UBAP2: variants seen among roughly 807,000 people sequenced by gnomAD.
UBAP2 encodes ubiquitin-associated protein 2.
UBAP2 carries 75 observed loss-of-function variants against 139.6 expected under a neutral mutation model. The observed-to-expected ratio is 0.54, with a 90% CI of 0.45 to 0.65. UBAP2 has a LOEUF of 0.65. UBAP2 is among the 30% of genes least tolerant of loss of function. The probability of loss-of-function intolerance (pLI) is 0.00; values close to 1 mark genes in which losing one functional copy is unlikely to be tolerated. For missense variants in UBAP2, 1,368 were observed against 1,369.6 expected (o/e 1.00, Z 0.02); for synonymous variants, 526 against 526.2 (o/e 1.00, Z 0.01).
At chr9:34,046,300 TA>T (rs35216565) in intron 1 of UBAP2, among the ~76,000 whole-genome samples, 18,163 of 137,076 alleles carry the variant, frequency 0.13, 1,404 homozygotes, top group African/African-American at 0.22. Flanking sequence ...AATCATCATT[TA>T]AAAAAAAAAA....
At chr9:33,949,206 A>G (rs778188718) in intron 12 of UBAP2, among the ~76,000 whole-genome samples, 7 of 151,916 alleles carry the variant, frequency 4.6e-5, no homozygotes, top group Non-Finnish European at 1.0e-4. Context: ...AAAATAAAAT[A>G]ATAAAAAGTG....
rs1825845323 is a variant in UBAP2, at chr9:33,948,639, C to A, written c.1057-52G>T. On this transcript the variant is annotated intron_variant, in intron 12 of 28. Coordinates refer to ENST00000379238, the MANE Select transcript of UBAP2 (RefSeq NM_001370062.2). ...TCCTCAACAATACAGAATTTCTGCC[C>A]AAGGCTTTAAAACATATCAAGTATT... 5 of 1,527,542 alleles carry A rather than the reference C, an allele frequency of 3.3e-6. No homozygotes were observed. In the East Asian group the frequency reaches 9.0e-5, roughly 28 times the overall value. The allele number at this position is 1,527,542 out of a possible 1,614,324, so 94.6% of individuals were successfully genotyped here.
intron 1 of UBAP2, among the ~76,000 whole-genome samples, chr9:34,026,061 C>T (rs1289677952): frequency 2.0e-5 from 3 of 152,120 alleles, no homozygotes; most frequent in South Asian, 2.1e-4. Context: ...AAAACACGGT[C>T]GGGTAAAAAC....
chr9:33,951,115 T>C (rs961559936), intron 12 of UBAP2, among the ~76,000 whole-genome samples: 6 of 151,946 alleles, frequency 3.9e-5, no homozygotes, highest in Admixed American at 1.3e-4. Context: ...CAAGTGATCC[T>C]CCCATGCCAG....
intron 2 of UBAP2, among the ~76,000 whole-genome samples, chr9:34,009,456 C>T (rs576315601): frequency 1.3e-5 from 2 of 152,086 alleles, no homozygotes; most frequent in African/African-American, 2.4e-5. Flanking sequence ...GACAGGGTCT[C>T]GCTACTTGGC....
chr9:34,020,603 G>A (rs999664262), intron 1 of UBAP2, among the ~76,000 whole-genome samples: 9 of 151,838 alleles, frequency 5.9e-5, no homozygotes, highest in African/African-American at 1.9e-4. Flanking sequence ...TGAGATTACA[G>A]GCGTGTGCCA....
Position 33,989,493 on chromosome 9 carries a change from G to A in UBAP2, c.289-367C>T, listed in dbSNP as rs575728561. On this transcript the variant is annotated intron_variant, in intron 4 of 28. Transcript: ENST00000379238. Reference sequence around the variant, plus strand: ...TGGGATTACAGGCGTGAGCCACCGCGCCCGGCACATGCACGTATCTTTCAA... The same window carrying A: ...TGGGATTACAGGCGTGAGCCACCGCACCCGGCACATGCACGTATCTTTCAA... 1.1e-3 allele frequency among the ~76,000 whole-genome samples: 166 copies of A among 152,136 alleles called. 2 individuals are homozygous for A. The South Asian group carries it at 0.033, about 30-fold the overall frequency.
intron 1 of UBAP2, among the ~76,000 whole-genome samples, chr9:34,042,662 G>A (rs1480810996): frequency 2.0e-5 from 3 of 152,070 alleles, no homozygotes; most frequent in African/African-American, 7.2e-5. Flanking sequence ...AACCTATAAT[G>A]TAGGGTAATG....
Position 33,943,562 on chromosome 9 carries a change from C to T in UBAP2, c.1573G>A (p.Gly525Ser), listed in dbSNP as rs776093485. 1 of 1,614,068 alleles carries T rather than the reference C, an allele frequency of 6.2e-7. No homozygotes were observed. The highest frequency in any genetic ancestry group is 1.1e-5 in the South Asian group (1 of 91,080). ...TTTAATCCTGTGACATCTGCTGAAC[C>T]AGGCATTTCCACTGCAGAAGCTGGG... The part of the protein sequence containing the change: ...KIPASAVEMP[G>S]SADVTGLNVQ... The change falls in exon 15 of 29, where the codon GGT (glycine) becomes AGT (serine). Residue 525 changes from glycine to serine, a missense_variant. By Grantham distance (56) the Gly-to-Ser change is moderately conservative. Transcript: ENST00000379238.
intron 8 of UBAP2, 91 bp from the exon 9 acceptor site, chr9:33,963,882 T>C (rs1458356050): frequency 5.5e-6 from 5 of 904,762 alleles, no homozygotes; most frequent in Non-Finnish European, 9.2e-6. Context: ...AAGCTATGTA[T>C]ATGCTGCGTT....
chr9:34,030,272 C>T (rs1825778721), intron 1 of UBAP2, among the ~76,000 whole-genome samples: 2 of 151,864 alleles, frequency 1.3e-5, no homozygotes, highest in South Asian at 4.1e-4. Flanking sequence ...GGTGATACCC[C>T]ATCTCTACTA....
At chr9:34,032,003 G>C (rs1029620152) in intron 1 of UBAP2, among the ~76,000 whole-genome samples, 1 of 152,006 alleles carries the variant, frequency 6.6e-6, no homozygotes, top group Non-Finnish European at 1.5e-5. Context: ...AAATTAGCCA[G>C]GTATGGTGGC....
chr9:33,966,616 G>T (rs945434785), intron 8 of UBAP2, among the ~76,000 whole-genome samples: 2 of 151,938 alleles, frequency 1.3e-5, no homozygotes, highest in Non-Finnish European at 1.5e-5. Flanking sequence ...TTTTATGAGG[G>T]TCTTCTTTGA....
At chr9:34,033,166 C>T (rs1358949203) in intron 1 of UBAP2, among the ~76,000 whole-genome samples, 1 of 152,104 alleles carries the variant, frequency 6.6e-6, no homozygotes, top group Non-Finnish European at 1.5e-5. Flanking sequence ...TATCTGCATT[C>T]CTGTTTGTTG....
intron 5 of UBAP2, among the ~76,000 whole-genome samples, chr9:33,987,547 T>C (rs1052228967): frequency 1.1e-4 from 16 of 152,184 alleles, no homozygotes; most frequent in Admixed American, 1.0e-3. Flanking sequence ...AGGTCAAGGC[T>C]GCAGTGAGCT....
chr9:33,940,160 GCAGGCAGA>G (rs1483082845), intron 16 of UBAP2, among the ~76,000 whole-genome samples: 1 of 152,102 alleles, frequency 6.6e-6, no homozygotes, highest in African/African-American at 2.4e-5. Context: ...TCGGATGCAT[GCAGGCAGA>G]TTTAATATGG....
At chr9:33,984,564 G>C (rs1264999328) in intron 6 of UBAP2, among the ~76,000 whole-genome samples, 1 of 151,642 alleles carries the variant, frequency 6.6e-6, no homozygotes, top group Non-Finnish European at 1.5e-5. Flanking sequence ...TATAGTCCCA[G>C]CTGCTCAGGA....
chr9:34,003,160 T>G (rs1448423909), intron 2 of UBAP2, among the ~76,000 whole-genome samples: 7 of 151,638 alleles, frequency 4.6e-5, no homozygotes, highest in African/African-American at 1.7e-4. Flanking sequence ...CAAACAATTC[T>G]CATGCTTGGG....
intron 2 of UBAP2, among the ~76,000 whole-genome samples, chr9:34,004,753 C>T (rs191237976): frequency 6.6e-6 from 1 of 150,926 alleles, no homozygotes; most frequent in East Asian, 2.0e-4. Flanking sequence ...CACTGCACTC[C>T]AGCCTGGGCA....
Sources: allele counts gnomAD v4.1 joint callset (sites outside exome capture counted in the v4.1 genomes callset), GRCh38; gene constraint gnomAD v4.1.1; transcripts MANE v1.5; gene names NCBI Gene and HGNC (gene_info 2026-07-23, HGNC 2026-07-21).